SCAP: variants seen among roughly 807,000 people sequenced by gnomAD.
SCAP encodes SREBF chaperone.
SCAP carries 65 observed loss-of-function variants against 123.6 expected under a neutral mutation model. The observed-to-expected ratio is 0.53, with a 90% CI of 0.43 to 0.65. The LOEUF is 0.65. Ranked by LOEUF, SCAP falls within the 30% of genes least tolerant of loss-of-function variation. The pLI, the probability that SCAP is intolerant of heterozygous loss-of-function variation, is 0.00. For synonymous variants in SCAP, 740 were observed against 726.3 expected (o/e 1.02, Z -0.30); for missense variants, 1,398 against 1,712.5 (o/e 0.82, Z 3.24).
Position 47,418,063 on chromosome 3 carries a change from A to G in SCAP, c.2447+71T>C, listed in dbSNP as rs1338765850. The G allele has an allele frequency of 1.6e-4, 153 of 941,802 alleles. No homozygotes were observed. The Admixed American group carries it at 4.3e-3, about 26-fold the overall frequency. The allele number at this position is 941,802 out of a possible 1,614,324, so 58.3% of individuals were successfully genotyped here. A position where few individuals can be genotyped will look rare whatever the true frequency, so the allele number is the denominator to read the frequency against. ...ACCTCGGAGGAAGAAAGGAGGGGAG[A>G]TACGTGGCGGCGGGGGGTGGGGTGA... On this transcript the variant is annotated intron_variant, in intron 16 of 22. Coordinates refer to ENST00000265565, the MANE Select transcript of SCAP (RefSeq NM_012235.4).
At chr3:47,435,442 ATAACAT>A (rs1161511425) in intron 2 of SCAP, among the ~76,000 whole-genome samples, 1 of 150,872 alleles carries the variant, frequency 6.6e-6, no homozygotes, top group African/African-American at 2.4e-5. Context: ...AACATTATAT[ATAACAT>A]TAACATATAT....
chr3:47,429,282 A>G lies in SCAP; in HGVS notation c.253-612T>C, dbSNP rs183250386. On this transcript the variant is annotated intron_variant, in intron 3 of 22. Coordinates refer to ENST00000265565, the MANE Select transcript of SCAP (RefSeq NM_012235.4). The stretch of plus-strand genomic sequence containing the variant: ...TTGGGCAGCGAGCCTCTTTTGCTCA[A>G]TAACACATCTACTATGGGCAAAGCA... 1.0e-3 allele frequency among the ~76,000 whole-genome samples: 154 copies of G among 152,386 alleles called. 3 individuals are homozygous for G. The highest frequency in any genetic ancestry group is 3.5e-3 in the African/African-American group (144 of 41,604).
chr3:47,428,225 G>C (rs1473702253), intron 4 of SCAP, among the ~76,000 whole-genome samples: 1 of 152,102 alleles, frequency 6.6e-6, no homozygotes, highest in East Asian at 1.9e-4. Context: ...TAACCCACAG[G>C]CAGGAAGCCA....
chr3:47,462,590 A>G (rs952459244), intron 1 of SCAP, among the ~76,000 whole-genome samples: 1 of 151,972 alleles, frequency 6.6e-6, no homozygotes, highest in Admixed American at 6.6e-5. Flanking sequence ...CGTCTCTACT[A>G]AAAATACAAA....
chr3:47,465,377 G>A (rs1707785226), intron 1 of SCAP, among the ~76,000 whole-genome samples: 1 of 152,082 alleles, frequency 6.6e-6, no homozygotes, highest in South Asian at 2.1e-4. Flanking sequence ...CACCATGTTG[G>A]CCAGGCTGGG....
rs576608784 is a variant in SCAP, at chr3:47,421,055, G to A, written c.1246-26C>T. 7.6e-6 allele frequency: 12 copies of A among 1,588,896 alleles called. No individual in the cohort carries two copies. The South Asian group carries it at 1.3e-4, about 18-fold the overall frequency. On this transcript the variant is annotated intron_variant, in intron 10 of 22. Coordinates refer to ENST00000265565, the MANE Select transcript of SCAP (RefSeq NM_012235.4). ...CTGGAATCAGAGCACATGGGGATGG[G>A]GGGGTGCCGTGACCTCACTGTCCCA...
intron 2 of SCAP, among the ~76,000 whole-genome samples, chr3:47,437,078 T>A (rs1185650174): frequency 1.3e-5 from 2 of 152,232 alleles, no homozygotes; most frequent in African/African-American, 4.8e-5. Context: ...CACTAATGAA[T>A]AAAGTATAGT....
In SCAP at chr3:47,450,687, A is replaced by T. The variant is rs2107951916; in HGVS notation, c.-98-7596T>A. On this transcript the variant is annotated intron_variant, in intron 1 of 22. Transcript: ENST00000265565. ...ATAATTTTTGGTAATTTTAGTAGAG[A>T]CAGGGTTTTGCCACGTTGCCCAGGC... Among the ~76,000 whole-genome samples, 2 of 120,466 alleles carry T rather than the reference A, an allele frequency of 1.7e-5. 1 individual carries two copies. The highest frequency in any genetic ancestry group is 6.3e-4 in the South Asian group (2 of 3,180). The allele number at this position is 120,466 out of a possible 152,430, so 79.0% of individuals were successfully genotyped here.
At chr3:47,459,638 A>G (rs1310290621) in intron 1 of SCAP, among the ~76,000 whole-genome samples, 1 of 152,172 alleles carries the variant, frequency 6.6e-6, no homozygotes, top group Non-Finnish European at 1.5e-5. Flanking sequence ...AAGAACAGGG[A>G]GTAGGTCACA....
At chr3:47,461,890 C>G (rs150375439) in intron 1 of SCAP, among the ~76,000 whole-genome samples, 1 of 151,998 alleles carries the variant, frequency 6.6e-6, no homozygotes, top group South Asian at 2.1e-4. Context: ...AAAAATTAGC[C>G]GAGCATGGTG....
chr3:47,457,418 C>T (rs891732477), intron 1 of SCAP, among the ~76,000 whole-genome samples: 7 of 152,192 alleles, frequency 4.6e-5, no homozygotes, highest in East Asian at 1.9e-4. Context: ...GGATTGACTG[C>T]GTTCCCCTTC....
In SCAP at chr3:47,414,320, G is replaced by A. The variant is rs770327035; in HGVS notation, c.3454C>T (p.Arg1152Trp). The change falls in exon 22 of 23, where the codon CGG (arginine) becomes TGG (tryptophan). Residue 1152 changes from arginine to tryptophan, a missense_variant. Transcript: ENST00000265565. ...CGGTGAGCAAACACATGGCTGACCC[G>A]GCTGCCAGTCAGTACATCCCACAGG... ...ICLWDVLTGSRVSHVFAHRGD... is the reference protein window; with the variant it reads ...ICLWDVLTGSWVSHVFAHRGD... The A allele has an allele frequency of 2.9e-5, 46 of 1,613,000 alleles. No individual in the cohort carries two copies. The highest frequency in any genetic ancestry group is 1.8e-4 in the Admixed American group (11 of 60,002).
Position 47,450,640 on chromosome 3 carries a change from T to C in SCAP, c.-98-7549A>G, listed in dbSNP as rs1433290026. Among the ~76,000 whole-genome samples, 2 of 117,518 alleles carry C rather than the reference T, an allele frequency of 1.7e-5. 1 individual carries two copies. The highest frequency in any genetic ancestry group is 3.7e-5 in the Non-Finnish European group (2 of 54,108). The allele number at this position is 117,518 out of a possible 152,430, so 77.1% of individuals were successfully genotyped here. A position where few individuals can be genotyped will look rare whatever the true frequency, so the allele number is the denominator to read the frequency against. On this transcript the variant is annotated intron_variant, in intron 1 of 22. Coordinates refer to ENST00000265565, the MANE Select transcript of SCAP (RefSeq NM_012235.4). Reference sequence around the variant, plus strand: ...TGATCCTCCCACTTTAGCCTGCCTATAGGCACGTACCACCATGAGAGATAA... The same window carrying C: ...TGATCCTCCCACTTTAGCCTGCCTACAGGCACGTACCACCATGAGAGATAA...
Position 47,419,360 on chromosome 3 carries a change from G to C in SCAP, c.1908C>G (p.Leu636=). 6.2e-7 allele frequency: 1 copy of C among 1,613,362 alleles called. No homozygotes were observed. The highest frequency in any genetic ancestry group is 8.5e-7 in the Non-Finnish European group (1 of 1,179,858). The change falls in exon 13 of 23, where the codon CTC becomes CTG. Residue 636 remains leucine (L), a synonymous_variant. Coordinates refer to ENST00000265565, the MANE Select transcript of SCAP (RefSeq NM_012235.4). The surrounding 1 kb of genome is among the most constrained non-coding windows in gnomAD (Gnocchi z 5.0). The stretch of plus-strand genomic sequence containing the variant: ...CCAGTGTGATGTTGTAATAGCTGAA[G>C]AGCGTCGGCCAGTGGCGGAAGGACA... ...RKLSFRHWPT[L]FSYYNITLAK... is the part of the protein sequence containing the mutation.
Position 47,417,646 on chromosome 3 carries a change from T to C in SCAP, c.2628A>G (p.Leu876=), listed in dbSNP as rs1327267114. 2 of 1,607,972 alleles carry C rather than the reference T, an allele frequency of 1.2e-6. No individual in the cohort carries two copies. Among genetic ancestry groups the C allele is most frequent in the Non-Finnish European group, 1.7e-6 (2 of 1,178,142 alleles). Residue 876 remains leucine (L), a synonymous_variant, in exon 17 of 23, where the codon TTA becomes TTG. Transcript: ENST00000265565. The stretch of plus-strand genomic sequence containing the variant: ...GCTGCGCTGAAAAGTTGGTGTCAAT[T>C]AAGCAGGTGAGGTCAGGCTGGTCCC... ...LFGDQPDLTC[L]IDTNFSAQPR...
chr3:47,435,103 C>G lies in SCAP; in HGVS notation c.157G>C (p.Gly53Arg), dbSNP rs1706516833. 1.2e-6 allele frequency: 2 copies of G among 1,614,010 alleles called. No individual in the cohort carries two copies. Among genetic ancestry groups the G allele is most frequent in the Non-Finnish European group, 1.7e-6 (2 of 1,179,946 alleles). The change falls in exon 3 of 23, where the codon GGA becomes CGA. Residue 53 changes from glycine to arginine, a missense_variant. Around this residue, in one of 7 missense-constraint regions of SCAP, gnomAD observed 319 missense variants for 432.4 expected, o/e 0.74. Coordinates refer to ENST00000265565, the MANE Select transcript of SCAP (RefSeq NM_012235.4). ...ACAGGGGTGGTGAATTCCACAGGTC[C>G]TGTTCCTGGCAAGGGGAGTTTCAGC... ...PLLKLPLPGTGPVEFTTPVKD... is the reference protein window; with the variant it reads ...PLLKLPLPGTRPVEFTTPVKD...
intron 1 of SCAP, among the ~76,000 whole-genome samples, chr3:47,460,640 C>T (rs1164994753): frequency 6.6e-6 from 1 of 152,088 alleles, no homozygotes; most frequent in Admixed American, 6.6e-5. Context: ...GCAACCTCTG[C>T]CCCCGCCCCC....
rs553584825 is a variant in SCAP, at chr3:47,454,260, G to A, written c.-98-11169C>T. Reference sequence around the variant, plus strand: ...CGGGCACCTGTAGTCCCAGCTACTCGGGAGGCTGAGGCAGGAGAATGGTGT... The same window carrying A: ...CGGGCACCTGTAGTCCCAGCTACTCAGGAGGCTGAGGCAGGAGAATGGTGT... On this transcript the variant is annotated intron_variant, in intron 1 of 22. Coordinates refer to ENST00000265565, the MANE Select transcript of SCAP (RefSeq NM_012235.4). 6.6e-5 allele frequency among the ~76,000 whole-genome samples: 10 copies of A among 152,000 alleles called. No individual in the cohort carries two copies. In the East Asian group the frequency reaches 9.7e-4, roughly 15 times the overall value.
Position 47,426,189 on chromosome 3 carries a change from G to C in SCAP, c.738-20C>G. On this transcript the variant is annotated intron_variant, in intron 6 of 22. Transcript: ENST00000265565. ...AGGAACCTGGTCAAGGAGCAGGGTGGGGGTAAATGGAAGTGTTGCTCTTGG... is the reference window on the plus strand; with the variant it reads ...AGGAACCTGGTCAAGGAGCAGGGTGCGGGTAAATGGAAGTGTTGCTCTTGG... 6.2e-7 allele frequency: 1 copy of C among 1,606,746 alleles called. No individual in the cohort carries two copies. Among genetic ancestry groups the C allele is most frequent in the Non-Finnish European group, 8.5e-7 (1 of 1,177,880 alleles).
Sources: allele counts gnomAD v4.1 joint callset (sites outside exome capture counted in the v4.1 genomes callset), GRCh38; gene constraint gnomAD v4.1.1; regional missense constraint gnomAD v4.1.1; non-coding constraint Gnocchi (gnomAD v3.1); transcripts MANE v1.5; gene names NCBI Gene and HGNC (gene_info 2026-07-23, HGNC 2026-07-21).